Variants in SSBP2 observed in about 807,000 individuals in gnomAD.
SSBP2 encodes the protein single-stranded DNA-binding protein 2.
In SSBP2, 17 loss-of-function variants were observed where a neutral mutation model predicts 61.8. The observed-to-expected ratio is 0.28, with a 90% CI of 0.19 to 0.41. The LOEUF (loss-of-function observed/expected upper bound fraction) is 0.41. Ranked by LOEUF, SSBP2 falls within the 10% of genes least tolerant of loss-of-function variation. The probability of loss-of-function intolerance (pLI) is 1.00; values close to 1 mark genes in which losing one functional copy is unlikely to be tolerated. For missense variants in SSBP2, 310 were observed against 458.7 expected (o/e 0.68, Z 2.96); for synonymous variants, 139 against 141.3 (o/e 0.98, Z 0.12).
At chr5:81,636,728 T>C (rs934549799) in intron 2 of SSBP2, 110 bp from the exon 3 acceptor site, 1 of 886,734 alleles carries the variant, frequency 1.1e-6, no homozygotes, top group Non-Finnish European at 1.7e-6. Flanking sequence ...GAATTTTTCA[T>C]CATTTTCATG....
At chr5:81,648,176 TAAG>T (rs955483540) in intron 2 of SSBP2, among the ~76,000 whole-genome samples, 2 of 152,094 alleles carry the variant, frequency 1.3e-5, no homozygotes, top group Admixed American at 6.6e-5. Context: ...TGACAGTGGT[TAAG>T]AATACAAAAA....
chr5:81,416,755 A>C lies in SSBP2; in HGVS notation c.*3749T>G, dbSNP rs1761324733. On this transcript the variant is annotated 3_prime_UTR_variant, in exon 17 of 17. Transcript: ENST00000320672. Reference sequence around the variant, plus strand: ...TCAGATATCTTAGAGAATCATAAAAATAGAAATGGAAGTTTTATTTTATTC... The same window carrying C: ...TCAGATATCTTAGAGAATCATAAAACTAGAAATGGAAGTTTTATTTTATTC... 6.6e-6 allele frequency: 1 copy of C among 152,248 alleles called. No homozygotes were observed. The highest frequency in any genetic ancestry group is 6.5e-5 in the Admixed American group (1 of 15,286). 9.4% of individuals were successfully genotyped at this position (152,248 alleles called of 1,614,324 possible).
intron 1 of SSBP2, among the ~76,000 whole-genome samples, chr5:81,669,156 AG>A (rs1751390659): frequency 6.6e-6 from 1 of 152,224 alleles, no homozygotes; most frequent in Non-Finnish European, 1.5e-5. Context: ...AACTTTGCAA[AG>A]TAATTACAAC....
intron 1 of SSBP2, among the ~76,000 whole-genome samples, chr5:81,694,607 T>G (rs934435993): frequency 6.6e-6 from 1 of 152,148 alleles, no homozygotes; most frequent in South Asian, 2.1e-4. Context: ...TGTTCCTTTT[T>G]CCTGAGCCCC....
intron 4 of SSBP2, among the ~76,000 whole-genome samples, chr5:81,611,060 C>G (rs1054850928): frequency 2.6e-5 from 4 of 152,176 alleles, no homozygotes; most frequent in African/African-American, 9.7e-5. Flanking sequence ...TAGAGTGTCA[C>G]ATCATTATAG....
At chr5:81,620,437 G>A (rs1437059181) in intron 3 of SSBP2, among the ~76,000 whole-genome samples, 1 of 151,928 alleles carries the variant, frequency 6.6e-6, no homozygotes, top group South Asian at 2.1e-4. Flanking sequence ...ACAAACCACT[G>A]GTCAAGGAAA....
At chr5:81,553,879 T>G (rs1432037056) in intron 4 of SSBP2, among the ~76,000 whole-genome samples, 4 of 152,234 alleles carry the variant, frequency 2.6e-5, no homozygotes, top group African/African-American at 7.2e-5. Flanking sequence ...CCTGCTTTCT[T>G]TCCCTCCTTC....
chr5:81,627,429 T>C (rs1014973723), intron 3 of SSBP2, among the ~76,000 whole-genome samples: 1 of 152,208 alleles, frequency 6.6e-6, no homozygotes, highest in Admixed American at 6.5e-5. Flanking sequence ...CCTTGCCTGT[T>C]ATAGGAAAGA....
chr5:81,748,149 A>G (rs1456119560), intron 1 of SSBP2, among the ~76,000 whole-genome samples: 1 of 152,182 alleles, frequency 6.6e-6, no homozygotes, highest in African/African-American at 2.4e-5. Context: ...TAGAAAACAC[A>G]TTTCTTGATT....
Position 81,467,039 on chromosome 5 carries a change from G to A in SSBP2, c.573C>T (p.Asn191=), listed in dbSNP as rs373612618. The change falls in exon 9 of 17, where the codon AAC becomes AAT. Residue 191 remains asparagine (N), a splice_region_variant and synonymous_variant. Coordinates refer to ENST00000320672, the MANE Select transcript of SSBP2 (RefSeq NM_012446.5). ...GTGGGGGTCTCATTGCACCTCCATAGTTCTGTAATGATAACCAAGGGTCAG... is the reference window on the plus strand; with the variant it reads ...GTGGGGGTCTCATTGCACCTCCATAATTCTGTAATGATAACCAAGGGTCAG... 3.7e-6 allele frequency: 6 copies of A among 1,608,982 alleles called. No homozygotes were observed. In the African/African-American group the frequency reaches 8.0e-5, roughly 22 times the overall value.
intron 5 of SSBP2, among the ~76,000 whole-genome samples, chr5:81,494,761 A>G (rs1767162120): frequency 6.6e-6 from 1 of 152,172 alleles, no homozygotes; most frequent in Non-Finnish European, 1.5e-5. Flanking sequence ...AATAACCCAA[A>G]GTAGAAGAAA....
chr5:81,507,933 T>C (rs911509170), intron 5 of SSBP2, among the ~76,000 whole-genome samples: 2 of 152,190 alleles, frequency 1.3e-5, no homozygotes, highest in Non-Finnish European at 2.9e-5. Flanking sequence ...TTGATCATTA[T>C]ACATAAGTGA....
intron 4 of SSBP2, among the ~76,000 whole-genome samples, chr5:81,594,197 T>C (rs1313672237): frequency 6.6e-6 from 1 of 152,038 alleles, no homozygotes; most frequent in African/African-American, 2.4e-5. Context: ...CAATCCTAGT[T>C]TCTGATAAAA....
chr5:81,480,902 C>T (rs1246018315), intron 6 of SSBP2, among the ~76,000 whole-genome samples: 1 of 152,200 alleles, frequency 6.6e-6, no homozygotes, highest in South Asian at 2.1e-4. Flanking sequence ...CCTTTGTTGT[C>T]ATTTCAGCAG....
rs143540746 is a variant in SSBP2, at chr5:81,442,830, A to T, written c.779-107T>A. The T allele has an allele frequency of 4.0e-5, 20 of 499,326 alleles. No homozygotes were observed. The East Asian group carries it at 6.6e-4, about 17-fold the overall frequency. 30.9% of individuals were successfully genotyped at this position (499,326 alleles called of 1,614,324 possible). ...TGCATACAGATACCTCTCTCTATAT[A>T]AGCTGCAACACTTGAAATTGTCATT... On this transcript the variant is annotated intron_variant, in intron 12 of 16. Coordinates refer to ENST00000320672, the MANE Select transcript of SSBP2 (RefSeq NM_012446.5).
At chr5:81,697,375 G>C (rs1219378536) in intron 1 of SSBP2, among the ~76,000 whole-genome samples, 1 of 152,174 alleles carries the variant, frequency 6.6e-6, no homozygotes, top group Non-Finnish European at 1.5e-5. Context: ...GTTGTTTTTA[G>C]CTGGTGGTTT....
intron 2 of SSBP2, among the ~76,000 whole-genome samples, chr5:81,638,796 G>A (rs946190875): frequency 6.6e-6 from 1 of 152,042 alleles, no homozygotes; most frequent in Admixed American, 6.6e-5. Flanking sequence ...ATCAGAGTTG[G>A]AACTAAGCAA....
chr5:81,602,471 G>C (rs147065400), intron 4 of SSBP2, among the ~76,000 whole-genome samples: 34 of 152,226 alleles, frequency 2.2e-4, no homozygotes, highest in African/African-American at 7.9e-4. Flanking sequence ...AGAGGAACTA[G>C]GAGGCATGAC....
intron 1 of SSBP2, among the ~76,000 whole-genome samples, chr5:81,673,525 C>A (rs1210441030): frequency 6.6e-6 from 1 of 151,988 alleles, no homozygotes; most frequent in African/African-American, 2.4e-5. Context: ...ACTGCAAATT[C>A]AAGATGAATT....
Sources: gnomAD v4.1 joint callset for allele counts (sites outside exome capture counted in the v4.1 genomes callset) on GRCh38, gnomAD v4.1.1 for gene constraint, MANE v1.5 for transcripts, NCBI Gene and HGNC (gene_info 2026-07-23, HGNC 2026-07-21) for gene names.